ATAD5: variants seen among roughly 807,000 people sequenced by gnomAD.
The protein encoded by ATAD5 is ATPase family AAA domain-containing protein 5.
In ATAD5, 58 loss-of-function variants were observed where a neutral mutation model predicts 176.9. The observed-to-expected ratio is 0.33, with a 90% CI of 0.27 to 0.41. ATAD5 has a LOEUF of 0.41. ATAD5 is among the 10% of genes least tolerant of loss of function. The pLI is 1.00. For missense variants in ATAD5, 1,789 were observed against 2,094.1 expected, an observed-to-expected ratio of 0.85 and a Z score of 2.84; for synonymous variants, 640 against 712.6, an observed-to-expected ratio of 0.90 and a Z score of 1.62.
intron 19 of ATAD5, among the ~76,000 whole-genome samples, chr17:30,887,632 G>C (rs1320078202): frequency 6.6e-6 from 1 of 152,018 alleles, no homozygotes; most frequent in Non-Finnish European, 1.5e-5. Context: ...AAGAAAGCGA[G>C]ACCCCTGTCT....
intron 14 of ATAD5, among the ~76,000 whole-genome samples, chr17:30,876,010 G>A (rs573549888): frequency 2.6e-5 from 4 of 151,220 alleles, no homozygotes; most frequent in African/African-American, 9.7e-5. Flanking sequence ...GGTGGCGAGT[G>A]CCTGTAGTCC....
At chr17:30,832,497 G>T in intron 1 of ATAD5, 84 bp downstream of exon 1, 2 of 1,340,272 alleles carry the variant, frequency 1.5e-6, no homozygotes, top group East Asian at 2.8e-5. Flanking sequence ...AGGTGATCCT[G>T]ACTTTGTAAG....
intron 17 of ATAD5, 73 bp downstream of exon 17, chr17:30,878,169 A>G: frequency 1.0e-6 from 1 of 983,092 alleles, no homozygotes; most frequent in South Asian, 1.6e-5. Context: ...TGGAGTAATT[A>G]TAATTAACTC....
rs957016662 is a variant in ATAD5, at chr17:30,890,060, T to A, written c.4259-2547T>A. ...CGTGCACCACCACAGCTAACTTTTT[T>A]AATTTTTTGTAGAGACGGGGATCTC... On this transcript the variant is annotated intron_variant, in intron 19 of 22. Coordinates refer to ENST00000321990, the MANE Select transcript of ATAD5 (RefSeq NM_024857.5). Among the ~76,000 whole-genome samples, 24 of 151,992 alleles carry A rather than the reference T, an allele frequency of 1.6e-4. No individual in the cohort carries two copies. In the South Asian group the frequency reaches 3.1e-3, roughly 20 times the overall value.
intron 8 of ATAD5, among the ~76,000 whole-genome samples, chr17:30,857,742 ATTTTT>A (rs56075512): frequency 7.2e-6 from 1 of 138,306 alleles, no homozygotes; most frequent in African/African-American, 2.6e-5. Context: ...GACTAAAGCT[ATTTTT>A]TTTTTTTTTT....
At chr17:30,834,055 T>C in intron 1 of ATAD5, 93 bp from the exon 2 acceptor site, 3 of 1,073,396 alleles carry the variant, frequency 2.8e-6, no homozygotes, top group Non-Finnish European at 3.8e-6. Context: ...CTTTTTTTAA[T>C]CCTATTATGT....
chr17:30,878,075 C>T lies in ATAD5; in HGVS notation c.3991C>T (p.Pro1331Ser). The part of the protein sequence containing the change: ...IKTFMATTKR[P>S]VILTTSDPTF... ...AACATTCATGGCAACAACTAAACGA[C>T]CTGTAATCCTTACTACAAGTGGTAG... Residue 1331 changes from proline to serine, a missense_variant, in exon 17 of 23, where the codon CCT (proline) becomes TCT (serine). By Grantham distance (74) the Pro-to-Ser change is moderately conservative (BLOSUM62 -1). Coordinates refer to ENST00000321990, the MANE Select transcript of ATAD5 (RefSeq NM_024857.5). 6.2e-7 allele frequency: 1 copy of T among 1,609,814 alleles called. No individual in the cohort carries two copies. Among genetic ancestry groups the T allele is most frequent in the Non-Finnish European group, 8.5e-7 (1 of 1,177,606 alleles).
At position 30,834,645 on chromosome 17, in the gene ATAD5, TA is replaced by T; in HGVS notation, c.570del (p.Val191Ter). 6.2e-7 allele frequency: 1 copy of T among 1,609,464 alleles called. No individual in the cohort carries two copies. Among genetic ancestry groups the T allele is most frequent in the Non-Finnish European group, 8.5e-7 (1 of 1,178,934 alleles). Reference protein sequence around the residue: ...PNTMTSLQNSKKVNPKQGTTK... With the variant: ...PNTMTSLQNSXKVNPKQGTTK... Reference sequence around the variant, plus strand: ...ATACTATGACCTCCCTGCAAAATTCTAAAAAAGTAAATCCTAAACAAGGGAC... The same window carrying T: ...ATACTATGACCTCCCTGCAAAATTCTAAAAAGTAAATCCTAAACAAGGGAC... On this transcript the variant is annotated frameshift_variant, in exon 2 of 23. Transcript: ENST00000321990. LOFTEE classifies it high-confidence loss of function.
chr17:30,889,767 TAC>T (rs1415063364), intron 19 of ATAD5, among the ~76,000 whole-genome samples: 4 of 152,044 alleles, frequency 2.6e-5, no homozygotes, highest in Non-Finnish European at 4.4e-5. Flanking sequence ...TTCTGGTAAA[TAC>T]ACAAATATTT....
At chr17:30,842,250 CAG>C (rs1906169195) in intron 4 of ATAD5, among the ~76,000 whole-genome samples, 1 of 151,552 alleles carries the variant, frequency 6.6e-6, no homozygotes, top group East Asian at 1.9e-4. Context: ...GCCTGGGTAA[CAG>C]AGTGAGACTC....
chr17:30,860,408 T>A, intron 9 of ATAD5, 25 bp from the exon 10 acceptor site: 1 of 1,576,180 alleles, frequency 6.3e-7, no homozygotes. Flanking sequence ...AGTAAGCACA[T>A]GCACTTCTTT....
chr17:30,877,735 A>G (rs1908755402), intron 16 of ATAD5, among the ~76,000 whole-genome samples, 186 bp downstream of exon 16: 1 of 152,184 alleles, frequency 6.6e-6, no homozygotes. Context: ...GATTAATGTA[A>G]TTCACGGCTG....
chr17:30,879,960 G>T (rs1345093214), intron 18 of ATAD5, among the ~76,000 whole-genome samples: 2 of 151,672 alleles, frequency 1.3e-5, no homozygotes, highest in African/African-American at 4.8e-5. Context: ...GGAGGTGGAG[G>T]TTACAGTGAG....
At chr17:30,879,274 C>A in intron 17 of ATAD5, 149 bp from the exon 18 acceptor site, 2 of 781,036 alleles carry the variant, frequency 2.6e-6, no homozygotes, top group Non-Finnish European at 4.0e-6. Flanking sequence ...GAGTTTGAGG[C>A]TGCAGTGAGC....
chr17:30,858,621 G>C (rs1447715553), intron 9 of ATAD5, among the ~76,000 whole-genome samples: 1 of 151,978 alleles, frequency 6.6e-6, no homozygotes, highest in African/African-American at 2.4e-5. Flanking sequence ...CTTGATCTCA[G>C]GTGATCCATC....
chr17:30,841,428 C>T (rs1006347933), intron 4 of ATAD5, among the ~76,000 whole-genome samples: 1 of 152,098 alleles, frequency 6.6e-6, no homozygotes, highest in African/African-American at 2.4e-5. Context: ...TGAGGAATTC[C>T]TACTTAAACT....
chr17:30,876,406 TCAC>T lies in ATAD5; in HGVS notation c.3643_3645del (p.Pro1215del). ...AAGCTCCCCTAAGAAAGTTGTTACA[TCAC>T]CAAGAAAAGTTCCTCCACCATCACC... On this transcript the variant is annotated inframe_deletion, in exon 15 of 23. Transcript: ENST00000321990. 1 of 1,598,780 alleles carries T rather than the reference TCAC, an allele frequency of 6.3e-7. No homozygotes were observed. The highest frequency in any genetic ancestry group is 8.5e-7 in the Non-Finnish European group (1 of 1,174,550).
chr17:30,892,482 CAT>C (rs1167606937), intron 19 of ATAD5, 123 bp from the exon 20 acceptor site: 2 of 474,390 alleles, frequency 4.2e-6, no homozygotes, highest in Non-Finnish European at 3.6e-6. Context: ...GAATTAAACA[CAT>C]ATGTAGAGAA....
chr17:30,848,748 T>G (rs774159705), intron 6 of ATAD5, among the ~76,000 whole-genome samples: 4 of 152,182 alleles, frequency 2.6e-5, no homozygotes, highest in Non-Finnish European at 5.9e-5. Context: ...TAATTTATAT[T>G]TTCTAGAATT....
Sources: allele counts gnomAD v4.1 joint callset (sites outside exome capture counted in the v4.1 genomes callset), GRCh38; gene constraint gnomAD v4.1.1; transcripts MANE v1.5; gene names NCBI Gene and HGNC (gene_info 2026-07-23, HGNC 2026-07-21).